Variants in EYA1 observed in about 807,000 individuals in gnomAD.
EYA1 encodes the protein EYA transcriptional coactivator and phosphatase 1.
Under a neutral mutation model 82.0 loss-of-function variants are expected in EYA1, and 16 were observed. The ratio of observed to expected loss-of-function variants is 0.20; its 90% CI spans 0.13 to 0.30. The LOEUF (loss-of-function observed/expected upper bound fraction) is 0.30. Among genes scored for constraint, EYA1 ranks in the 10% least tolerant of loss-of-function variants. The probability of loss-of-function intolerance (pLI) is 1.00; values close to 1 mark genes in which losing one functional copy is unlikely to be tolerated. For missense variants in EYA1, 633 were observed against 730.7 expected, an observed-to-expected ratio of 0.87 and a Z score of 1.54; for synonymous variants, 261 against 264.4, an observed-to-expected ratio of 0.99 and a Z score of 0.12.
At chr8:71,366,541 T>G (rs1827768535), upstream of EYA1, among the ~76,000 whole-genome samples, 1 of 152,176 alleles carries the variant, frequency 6.6e-6, no homozygotes, top group African/African-American at 2.4e-5. Context: ...CCAAAACATG[T>G]AAGAGGATCT....
chr8:71,213,666 G>T (rs758276015), intron 16 of EYA1, among the ~76,000 whole-genome samples: 1 of 152,176 alleles, frequency 6.6e-6, no homozygotes, highest in South Asian at 2.1e-4. Flanking sequence ...AACTTGAAAG[G>T]TTAGCCTGGA....
At chr8:71,523,597 C>T (rs1813606642) in intron 2 of EYA1, among the ~76,000 whole-genome samples, 2 of 152,172 alleles carry the variant, frequency 1.3e-5, no homozygotes, top group Admixed American at 1.3e-4. Context: ...GACTCTAATG[C>T]TCAAAGTAAT....
Position 71,238,460 on chromosome 8 carries a change from A to C in EYA1, c.1140+6143T>G, listed in dbSNP as rs56778561. On this transcript the variant is annotated intron_variant, in intron 12 of 17. Coordinates refer to ENST00000340726, the MANE Select transcript of EYA1 (RefSeq NM_000503.6). Reference sequence around the variant, plus strand: ...TTTCATATTACAAAAATGAGAAAGAAAGACATCTCATTTATTGAAACCTTC... The same window carrying C: ...TTTCATATTACAAAAATGAGAAAGACAGACATCTCATTTATTGAAACCTTC... Among the ~76,000 whole-genome samples the C allele has an allele frequency of 2.6e-3, 398 of 152,266 alleles. 2 individuals carry two copies. The highest frequency in any genetic ancestry group is 9.3e-3 in the African/African-American group (386 of 41,566).
At chr8:71,417,367 T>A (rs1056497003) in intron 2 of EYA1, among the ~76,000 whole-genome samples, 2 of 152,240 alleles carry the variant, frequency 1.3e-5, no homozygotes, top group Non-Finnish European at 2.9e-5. Flanking sequence ...TCAATGGTTG[T>A]AGATATTTCT....
At chr8:71,374,558 ATGGAAAACAG>A (rs1235689602) in intron 2 of EYA1, among the ~76,000 whole-genome samples, 1 of 152,200 alleles carries the variant, frequency 6.6e-6, no homozygotes, top group African/African-American at 2.4e-5. Flanking sequence ...TACAGCTATT[ATGGAAAACAG>A]TGTGAAAGTT....
At chr8:71,485,846 T>C (rs953502811) in intron 2 of EYA1, among the ~76,000 whole-genome samples, 3 of 152,182 alleles carry the variant, frequency 2.0e-5, no homozygotes, top group African/African-American at 4.8e-5. Flanking sequence ...AAAGGCTCCA[T>C]GGATGGCATT....
chr8:71,323,401 A>G (rs1003744424), intron 4 of EYA1, among the ~76,000 whole-genome samples: 2 of 152,148 alleles, frequency 1.3e-5, no homozygotes, highest in East Asian at 1.9e-4. Flanking sequence ...CATGTACTCA[A>G]AGTTTCATAT....
At position 71,547,740 on chromosome 8, in the gene EYA1, A is replaced by T. The variant is rs921823101; in HGVS notation, c.-73+124T>A. ...CAACGTCTCCTCGTCACGGCAACCC[A>T]ACTGGAGGCAGAAGCCGGCGGGGCG... On this transcript the variant is annotated intron_variant, in intron 1 of 18. Coordinates refer to the EYA1 transcript ENST00000643681. 8.5e-4 allele frequency: 128 copies of T among 151,062 alleles called. 1 individual carries two copies. Among genetic ancestry groups the T allele is most frequent in the African/African-American group, 2.9e-3 (122 of 41,394 alleles). 9.4% of individuals were successfully genotyped at this position (151,062 alleles called of 1,614,324 possible).
chr8:71,222,350 G>A (rs561807811), intron 12 of EYA1, among the ~76,000 whole-genome samples: 114 of 152,248 alleles, frequency 7.5e-4, no homozygotes, highest in Non-Finnish European at 4.4e-4. Context: ...GCAAAGTTGC[G>A]ATTATCCTCC....
At chr8:71,327,072 TTTC>T (rs1183062011) in intron 4 of EYA1, among the ~76,000 whole-genome samples, 3 of 152,182 alleles carry the variant, frequency 2.0e-5, no homozygotes, top group Non-Finnish European at 2.9e-5. Context: ...CAGCTTTTGT[TTTC>T]TTCTTAGCAG....
intron 7 of EYA1, among the ~76,000 whole-genome samples, chr8:71,305,738 A>C (rs1820665444): frequency 6.6e-6 from 1 of 152,074 alleles, no homozygotes; most frequent in South Asian, 2.1e-4. Context: ...GGAGACACTC[A>C]TTTCCACAAC....
intron 2 of EYA1, among the ~76,000 whole-genome samples, chr8:71,380,205 A>G (rs1373378489): frequency 6.6e-6 from 1 of 152,192 alleles, no homozygotes; most frequent in African/African-American, 2.4e-5. Flanking sequence ...CATGTGATCT[A>G]TAACATTTAT....
intron 2 of EYA1, among the ~76,000 whole-genome samples, chr8:71,399,787 G>GA (rs878952304): frequency 6.6e-6 from 1 of 152,040 alleles, no homozygotes; most frequent in East Asian, 1.9e-4. Flanking sequence ...CACAGGATCA[G>GA]AAAAAAACTA....
intron 12 of EYA1, among the ~76,000 whole-genome samples, chr8:71,217,724 A>G (rs1487414714): frequency 1.3e-5 from 2 of 152,124 alleles, no homozygotes; most frequent in African/African-American, 4.8e-5. Flanking sequence ...CTGTTTTACT[A>G]TTATTACATA....
chr8:71,471,190 T>A (rs1170442435), intron 2 of EYA1, among the ~76,000 whole-genome samples: 1 of 151,972 alleles, frequency 6.6e-6, no homozygotes, highest in Admixed American at 6.6e-5. Flanking sequence ...TGCCTCTTAC[T>A]CTGGGGAAAG....
intron 6 of EYA1, 77 bp from the exon 7 acceptor site, chr8:71,317,766 A>G: frequency 7.5e-7 from 1 of 1,339,658 alleles, no homozygotes; most frequent in Non-Finnish European, 1.1e-6. Context: ...ACACTTCCAC[A>G]ACCGTTTAAC....
At chr8:71,332,842 AG>A (rs2129045826) in intron 4 of EYA1, among the ~76,000 whole-genome samples, 1 of 152,270 alleles carries the variant, frequency 6.6e-6, no homozygotes, top group Non-Finnish European at 1.5e-5. Flanking sequence ...AGTTCCCCAA[AG>A]ATCCACGCCC....
intron 2 of EYA1, among the ~76,000 whole-genome samples, chr8:71,379,180 T>TACC (rs1828550219): frequency 6.6e-6 from 1 of 152,138 alleles, no homozygotes; most frequent in African/African-American, 2.4e-5. Flanking sequence ...GCCTCGAGGC[T>TACC]ACCGTGCAGA....
At chr8:71,236,934 T>C (rs961152343) in intron 12 of EYA1, among the ~76,000 whole-genome samples, 1 of 152,220 alleles carries the variant, frequency 6.6e-6, no homozygotes, top group Non-Finnish European at 1.5e-5. Flanking sequence ...AAAACTTGTA[T>C]CCCTTTATAT....
Sources: allele counts gnomAD v4.1 joint callset (sites outside exome capture counted in the v4.1 genomes callset), GRCh38; gene constraint gnomAD v4.1.1; transcripts MANE v1.5; gene names NCBI Gene and HGNC (gene_info 2026-07-23, HGNC 2026-07-21).